The following COL11A1 variants were observed in gnomAD, a reference collection of about 807,000 sequenced individuals.
The protein encoded by COL11A1 is collagen type XI alpha 1 chain.
A neutral mutation model predicts 265.2 loss-of-function variants in COL11A1; 74 were observed. The ratio of observed to expected loss-of-function variants is 0.28; its 90% CI spans 0.23 to 0.34. COL11A1 has a LOEUF of 0.34. COL11A1 is among the 10% of genes least tolerant of loss of function. The pLI is 1.00. For missense variants in COL11A1, 2,165 were observed against 2,263.6 expected, an observed-to-expected ratio of 0.96 and a Z score of 0.88; for synonymous variants, 816 against 727.6, an observed-to-expected ratio of 1.12 and a Z score of -1.96.
At chr1:102,928,577 C>G (rs1656938894) in intron 46 of COL11A1, among the ~76,000 whole-genome samples, 1 of 150,846 alleles carries the variant, frequency 6.6e-6, no homozygotes, top group South Asian at 2.1e-4. Flanking sequence ...GCATGTACAG[C>G]AGCATGATTT....
At position 102,962,190 on chromosome 1, in the gene COL11A1, G is replaced by A. The variant is rs866324545; in HGVS notation, c.3100C>T (p.Leu1034Phe). The A allele has an allele frequency of 6.2e-7, 1 of 1,612,286 alleles. No homozygotes were observed. Among genetic ancestry groups the A allele is most frequent in the South Asian group, 1.1e-5 (1 of 91,026 alleles). Residue 1034 changes from leucine (L) to phenylalanine (F), a missense_variant, in exon 40 of 67, where the codon CTT (leucine) becomes TTT (phenylalanine). Physicochemically the swap from Leu to Phe is conservative, Grantham distance 22 (BLOSUM62 0). Transcript: ENST00000370096. ...GLRGFPGERG[L>F]PGAQGAPGLK... Reference sequence around the variant, plus strand: ...ATTGATTATACCTGAGCTCCAGGAAGACCTCTTTCCCCTGGGAAACCACGT... The same window carrying A: ...ATTGATTATACCTGAGCTCCAGGAAAACCTCTTTCCCCTGGGAAACCACGT...
intron 17 of COL11A1, 59 bp from the exon 18 acceptor site, chr1:103,005,950 T>A (rs537104456): frequency 6.2e-7 from 1 of 1,612,768 alleles, no homozygotes; most frequent in African/African-American, 1.3e-5. Context: ...AGTCTAGATA[T>A]GTACTGCAAT....
At chr1:103,076,916 T>G (rs951015100) in intron 3 of COL11A1, among the ~76,000 whole-genome samples, 3 of 152,146 alleles carry the variant, frequency 2.0e-5, no homozygotes, top group Non-Finnish European at 4.4e-5. Context: ...GTCATGATTG[T>G]TCTTTAAAAA....
chr1:102,962,367 T>A (rs1450966752), intron 39 of COL11A1, 102 bp from the exon 40 acceptor site: 1 of 938,978 alleles, frequency 1.1e-6, no homozygotes, highest in Non-Finnish European at 1.7e-6. Flanking sequence ...AAAATGTGAA[T>A]ATTATTTAAT....
intron 65 of COL11A1, 130 bp from the exon 66 acceptor site, chr1:102,880,046 C>T: frequency 1.5e-6 from 1 of 674,334 alleles, no homozygotes; most frequent in Non-Finnish European, 2.6e-6. Flanking sequence ...CCACCTTAAC[C>T]TAATGAAAAA....
intron 1 of COL11A1, among the ~76,000 whole-genome samples, chr1:103,089,142 A>G (rs985204268): frequency 1.3e-5 from 2 of 152,318 alleles, no homozygotes; most frequent in East Asian, 3.9e-4. Flanking sequence ...TATAAAACCT[A>G]TGAATGCCTG....
At chr1:102,919,535 A>G (rs1377523660) in intron 49 of COL11A1, among the ~76,000 whole-genome samples, 1 of 152,034 alleles carries the variant, frequency 6.6e-6, no homozygotes, top group Non-Finnish European at 1.5e-5. Flanking sequence ...TTTTCACTGC[A>G]TAATATATGA....
intron 45 of COL11A1, 124 bp from the exon 46 acceptor site, chr1:102,934,680 T>C (rs554780112): frequency 1.3e-5 from 10 of 767,410 alleles, no homozygotes; most frequent in Non-Finnish European, 1.8e-5. Context: ...AAGTAAAAAG[T>C]AGACTGAATG....
chr1:102,895,242 A>G (rs949848934), intron 57 of COL11A1, among the ~76,000 whole-genome samples: 3 of 152,212 alleles, frequency 2.0e-5, no homozygotes, highest in African/African-American at 7.2e-5. Context: ...TTTCATATCC[A>G]GAAACTTCCT....
intron 42 of COL11A1, among the ~76,000 whole-genome samples, chr1:102,941,321 C>T (rs1570803180): frequency 6.6e-6 from 1 of 152,144 alleles, no homozygotes; most frequent in East Asian, 1.9e-4. Flanking sequence ...AAAAAACCTC[C>T]TGCCTTTCCC....
chr1:103,004,628 G>A lies in COL11A1; in HGVS notation c.1879C>T (p.Pro627Ser). The A allele has an allele frequency of 6.2e-7, 1 of 1,610,776 alleles. No individual in the cohort carries two copies. Among genetic ancestry groups the A allele is most frequent in the Non-Finnish European group, 8.5e-7 (1 of 1,178,646 alleles). The change falls in exon 19 of 67, where the codon CCT (proline) becomes TCT (serine). Residue 627 changes from proline to serine, a missense_variant. Coordinates refer to ENST00000370096, the MANE Select transcript of COL11A1 (RefSeq NM_001854.4). ...CATACCCTCATTCCATCATCACCAG[G>A]AGGACCTGGAGGACCTTGAGGACCT... The part of the protein sequence containing the change: ...ERGPQGPPGP[P>S]GDDGMRGEDG...
intron 13 of COL11A1, among the ~76,000 whole-genome samples, chr1:103,012,888 A>G (rs1214997942): frequency 1.3e-5 from 2 of 152,146 alleles, no homozygotes; most frequent in South Asian, 4.1e-4. Flanking sequence ...TGATAACCAA[A>G]GCCAGACACC....
At chr1:103,087,007 C>T (rs942251907) in intron 1 of COL11A1, among the ~76,000 whole-genome samples, 7 of 152,060 alleles carry the variant, frequency 4.6e-5, no homozygotes, top group African/African-American at 1.2e-4. Context: ...CTGTTTTATA[C>T]GCATACATAC....
intron 4 of COL11A1, among the ~76,000 whole-genome samples, chr1:103,042,273 T>G: frequency 6.6e-6 from 1 of 152,120 alleles, no homozygotes; most frequent in East Asian, 1.9e-4. Context: ...AAATAAGATA[T>G]GAGACACATA....
At position 102,888,972 on chromosome 1, in the gene COL11A1, A is replaced by G; in HGVS notation, c.4465-53T>C. 3.3e-6 allele frequency: 5 copies of G among 1,515,902 alleles called. No individual in the cohort carries two copies. The South Asian group carries it at 5.6e-5, about 17-fold the overall frequency. The allele number at this position is 1,515,902 out of a possible 1,614,324, so 93.9% of individuals were successfully genotyped here. A position where few individuals can be genotyped will look rare whatever the true frequency, so the allele number is the denominator to read the frequency against. ...GGATTTTCTCAGCTATTTCATTTTC[A>G]TGTTTTCATAACTTTTCAATATTTT... On this transcript the variant is annotated intron_variant, in intron 59 of 66. Transcript: ENST00000370096.
chr1:102,985,748 A>G (rs769892846), intron 30 of COL11A1, among the ~76,000 whole-genome samples: 4 of 152,172 alleles, frequency 2.6e-5, no homozygotes, highest in Non-Finnish European at 4.4e-5. Flanking sequence ...AGCTTGTGTG[A>G]CTGTTTACAC....
chr1:102,901,939 A>C (rs1426859716), intron 54 of COL11A1, among the ~76,000 whole-genome samples: 1 of 152,210 alleles, frequency 6.6e-6, no homozygotes, highest in Non-Finnish European at 1.5e-5. Flanking sequence ...TTTAGTCACA[A>C]ACACAGATAC....
chr1:103,066,525 C>T (rs1348391340), intron 4 of COL11A1, among the ~76,000 whole-genome samples: 2 of 135,050 alleles, frequency 1.5e-5, no homozygotes, highest in Non-Finnish European at 3.2e-5. Flanking sequence ...AAATGGAATA[C>T]TACAAAATAT....
chr1:103,071,964 CTGTTA>C (rs914697830), intron 4 of COL11A1, among the ~76,000 whole-genome samples: 2 of 150,864 alleles, frequency 1.3e-5, no homozygotes, highest in African/African-American at 4.9e-5. Flanking sequence ...GAGGAAGATT[CTGTTA>C]TATTTCCCAT....
Sources: gnomAD v4.1 joint callset for allele counts (sites outside exome capture counted in the v4.1 genomes callset) on GRCh38, gnomAD v4.1.1 for gene constraint, MANE v1.5 for transcripts, NCBI Gene and HGNC (gene_info 2026-07-23, HGNC 2026-07-21) for gene names.